MCTP2: variants seen among roughly 807,000 people sequenced by gnomAD.
The protein encoded by MCTP2 is multiple C2 and transmembrane domain containing 2, also known as multiple C2 and transmembrane domain-containing protein 2.
MCTP2 carries 132 observed loss-of-function variants against 111.6 expected under a neutral mutation model. That is an observed-to-expected ratio of 1.18 (90% CI 1.03 to 1.37). The LOEUF is 1.37. Among genes scored for constraint, MCTP2 ranks in the 40% most tolerant of loss-of-function variants. The pLI is 0.00. For synonymous variants in MCTP2, 395 were observed against 387.7 expected, an observed-to-expected ratio of 1.02 and a Z score of -0.22; for missense variants, 1,183 against 1,067.9, an observed-to-expected ratio of 1.11 and a Z score of -1.50.
intron 4 of MCTP2, among the ~76,000 whole-genome samples, chr15:94,334,735 G>A: frequency 6.6e-6 from 1 of 151,564 alleles, no homozygotes; most frequent in East Asian, 1.9e-4. Flanking sequence ...CGGTGGAGAT[G>A]GGGGGTCTCA....
At chr15:94,478,238 C>G (rs988861575) in intron 22 of MCTP2, among the ~76,000 whole-genome samples, 6 of 152,224 alleles carry the variant, frequency 3.9e-5, no homozygotes, top group African/African-American at 1.4e-4. Context: ...CAAGGATTCT[C>G]TGTGCAGAGT....
At chr15:94,237,020 AACAT>A (rs1406977204) in intron 1 of MCTP2, among the ~76,000 whole-genome samples, 4 of 152,132 alleles carry the variant, frequency 2.6e-5, no homozygotes, top group Non-Finnish European at 5.9e-5. Flanking sequence ...TGGTGCCAGT[AACAT>A]AAGTCAGTAT....
chr15:94,248,899 G>A (rs1485615824), intron 1 of MCTP2, among the ~76,000 whole-genome samples: 1 of 152,156 alleles, frequency 6.6e-6, no homozygotes, highest in East Asian at 1.9e-4. Context: ...ACTCAATATG[G>A]AACAGTATGC....
At chr15:94,412,052 T>C (rs1317627876) in intron 17 of MCTP2, among the ~76,000 whole-genome samples, 1 of 152,184 alleles carries the variant, frequency 6.6e-6, no homozygotes, top group African/African-American at 2.4e-5. Context: ...TTGTTTTTAA[T>C]ATAGGAAAGA....
intron 8 of MCTP2, among the ~76,000 whole-genome samples, chr15:94,346,131 C>A (rs924641303): frequency 6.6e-6 from 1 of 151,700 alleles, no homozygotes; most frequent in African/African-American, 2.4e-5. Flanking sequence ...GATGAGAGAC[C>A]GAGAGAGCGA....
intron 4 of MCTP2, among the ~76,000 whole-genome samples, chr15:94,332,305 T>TA (rs1174051916): frequency 6.6e-6 from 1 of 152,142 alleles, no homozygotes; most frequent in Non-Finnish European, 1.5e-5. Context: ...AGTCAGAACT[T>TA]ACAGAGTCCA....
chr15:94,270,861 T>A (rs2073870952), intron 1 of MCTP2, among the ~76,000 whole-genome samples: 1 of 152,190 alleles, frequency 6.6e-6, no homozygotes, highest in South Asian at 2.1e-4. Context: ...AGACAGAAAT[T>A]ATTGTCTGTC....
intron 1 of MCTP2, among the ~76,000 whole-genome samples, chr15:94,296,523 A>T (rs767457053): frequency 4.6e-5 from 7 of 152,256 alleles, no homozygotes; most frequent in Non-Finnish European, 8.8e-5. Context: ...TGTTAAACTC[A>T]TCTGTAACAT....
chr15:94,245,534 A>G (rs1295092205), intron 1 of MCTP2, among the ~76,000 whole-genome samples: 4 of 142,736 alleles, frequency 2.8e-5, no homozygotes, highest in East Asian at 4.0e-4. Flanking sequence ...ATTTATATAC[A>G]TACATGTATA....
intron 1 of MCTP2, among the ~76,000 whole-genome samples, chr15:94,292,641 A>G (rs1429264733): frequency 6.6e-6 from 1 of 152,246 alleles, no homozygotes; most frequent in Non-Finnish European, 1.5e-5. Flanking sequence ...GAGACCTGCC[A>G]TGTGCTTGTA....
chr15:94,263,710 T>G (rs1333031033), intron 1 of MCTP2, among the ~76,000 whole-genome samples: 1 of 152,178 alleles, frequency 6.6e-6, no homozygotes, highest in African/African-American at 2.4e-5. Flanking sequence ...AGTTACAGTT[T>G]GAGAGCTGAA....
intron 12 of MCTP2, among the ~76,000 whole-genome samples, chr15:94,375,564 T>C (rs983572427): frequency 1.3e-5 from 2 of 152,114 alleles, no homozygotes; most frequent in African/African-American, 4.8e-5. Context: ...CCCTTTGCCA[T>C]TAAAAACAAA....
chr15:94,464,617 G>GTCTTTCT (rs1212649463), intron 20 of MCTP2, among the ~76,000 whole-genome samples: 1 of 151,568 alleles, frequency 6.6e-6, no homozygotes, highest in Non-Finnish European at 1.5e-5. Flanking sequence ...CTTATTTTCA[G>GTCTTTCT]TCTTTCTTCT....
At chr15:94,298,963 CTCTCTCCCTCTCCCTCTCCCT>C (rs2075445174) in intron 2 of MCTP2, among the ~76,000 whole-genome samples, 1 of 9,996 alleles carries the variant, frequency 1.0e-4, no homozygotes, top group African/African-American at 1.4e-3. Flanking sequence ...CCCTCTCTCC[CTCTCTCCCTCTCCCTCTCCCT>C]CTCCCTCTCT....
intron 19 of MCTP2, among the ~76,000 whole-genome samples, chr15:94,454,987 ATGTTT>A (rs1202589716): frequency 6.6e-6 from 1 of 152,046 alleles, no homozygotes; most frequent in Non-Finnish European, 1.5e-5. Flanking sequence ...CAACAGGCTA[ATGTTT>A]TGTATTTTTA....
chr15:94,361,014 G>T (rs867086495), intron 10 of MCTP2, among the ~76,000 whole-genome samples: 2 of 141,568 alleles, frequency 1.4e-5, no homozygotes, highest in African/African-American at 2.7e-5. Context: ...GAAAGATTGT[G>T]CTAGCATATG....
chr15:94,420,918 A>G (rs1457564066), intron 17 of MCTP2, among the ~76,000 whole-genome samples: 2 of 152,186 alleles, frequency 1.3e-5, no homozygotes. Context: ...GAAATCTTTT[A>G]TGAAAGCAAG....
intron 12 of MCTP2, among the ~76,000 whole-genome samples, chr15:94,379,888 A>G (rs2080029963): frequency 6.8e-6 from 1 of 147,068 alleles, no homozygotes; most frequent in East Asian, 1.9e-4. Flanking sequence ...ACTTATATAT[A>G]ATATATATGA....
In MCTP2 at chr15:94,315,656, A is replaced by C; in HGVS notation, c.637+19A>C. On this transcript the variant is annotated intron_variant, in intron 4 of 22. Coordinates refer to ENST00000357742, the MANE Select transcript of MCTP2 (RefSeq NM_001385001.1). ...CGCTGTGGTAAGACCTGGGTCTGTT[A>C]TGGTGGGTGTAGCCTGGAAACTTCT... is the stretch of plus-strand genomic sequence containing the variant. 1 of 1,576,818 alleles carries C rather than the reference A, an allele frequency of 6.3e-7. No individual in the cohort carries two copies. Among genetic ancestry groups the C allele is most frequent in the Non-Finnish European group, 8.7e-7 (1 of 1,146,412 alleles).
Sources: allele counts gnomAD v4.1 joint callset (sites outside exome capture counted in the v4.1 genomes callset), GRCh38; gene constraint gnomAD v4.1.1; transcripts MANE v1.5; gene names NCBI Gene and HGNC (gene_info 2026-07-23, HGNC 2026-07-21).